The following TSPAN14 variants were observed in gnomAD, a reference collection of about 807,000 sequenced individuals.
The protein encoded by TSPAN14 is tetraspanin 14.
In TSPAN14, 16 loss-of-function variants were observed where a neutral mutation model predicts 36.6. That is an observed-to-expected ratio of 0.44 (90% CI 0.30 to 0.66). TSPAN14 has a LOEUF of 0.66. Among genes scored for constraint, TSPAN14 ranks in the 30% least tolerant of loss-of-function variants. The pLI, the probability that TSPAN14 is intolerant of heterozygous loss-of-function variation, is 0.12. For synonymous variants in TSPAN14, 139 were observed against 143.8 expected, an observed-to-expected ratio of 0.97 and a Z score of 0.24; for missense variants, 231 against 355.1, an observed-to-expected ratio of 0.65 and a Z score of 2.81.
At chr10:80,490,499 A>C (rs10749610) in intron 2 of TSPAN14, among the ~76,000 whole-genome samples, 80,584 of 151,930 alleles carry the variant, frequency 0.53, 21,632 homozygotes, top group East Asian at 0.83. Context: ...GAAGCCTTTA[A>C]AGTAGAAAGG....
At chr10:80,507,748 C>T (rs1160196438) in intron 4 of TSPAN14, among the ~76,000 whole-genome samples, 2 of 152,246 alleles carry the variant, frequency 1.3e-5, no homozygotes, top group Non-Finnish European at 2.9e-5. Context: ...AATCATTTCC[C>T]TCCTCCAAGG....
intron 1 of TSPAN14, among the ~76,000 whole-genome samples, chr10:80,481,407 A>C (rs1847267866): frequency 6.6e-6 from 1 of 152,260 alleles, no homozygotes; most frequent in Non-Finnish European, 1.5e-5. Flanking sequence ...TAGAAAATTA[A>C]GCAAACAAAA....
At chr10:80,457,915 T>C (rs946046445) in intron 1 of TSPAN14, among the ~76,000 whole-genome samples, 11 of 152,194 alleles carry the variant, frequency 7.2e-5, no homozygotes, top group African/African-American at 1.2e-4. Context: ...GGGGGACCCA[T>C]AGTGATTAGT....
In TSPAN14 at chr10:80,509,289, C is replaced by T. The variant is rs756558972; in HGVS notation, c.280-12C>T. On this transcript the variant is annotated splice_polypyrimidine_tract_variant and intron_variant, in intron 4 of 8. Coordinates refer to ENST00000429989, the Ensembl canonical transcript of TSPAN14. This position sits in a 1 kb window ranked among gnomAD's most constrained non-coding sequence, Gnocchi z 4.7. The stretch of plus-strand genomic sequence containing the variant: ...GGGTGGTGACTTCTGCTCCCGTCCC[C>T]TTCCCCTGCAGTTCTGTGGCACCAT... 17 of 1,612,038 alleles carry T rather than the reference C, an allele frequency of 1.1e-5. No individual in the cohort carries two copies. Among genetic ancestry groups the T allele is most frequent in the Non-Finnish European group, 1.3e-5 (15 of 1,179,186 alleles).
intron 1 of TSPAN14, among the ~76,000 whole-genome samples, chr10:80,474,658 G>A (rs1337704575): frequency 6.6e-6 from 1 of 152,082 alleles, no homozygotes; most frequent in African/African-American, 2.4e-5. Context: ...AGGGTTGTGA[G>A]GCATGTGATT....
intron 2 of TSPAN14, among the ~76,000 whole-genome samples, chr10:80,497,751 C>G (rs987085793): frequency 1.4e-4 from 22 of 152,352 alleles, no homozygotes; most frequent in African/African-American, 4.8e-4. Context: ...ACTCTGTTAT[C>G]TGGCAACACA....
chr10:80,477,338 G>C (rs1229067695), intron 1 of TSPAN14, among the ~76,000 whole-genome samples: 1 of 152,164 alleles, frequency 6.6e-6, no homozygotes, highest in Non-Finnish European at 1.5e-5. Flanking sequence ...TAAATAAAAA[G>C]GTGGCAATTA....
Position 80,509,538 on chromosome 10 carries a change from A to C in TSPAN14, c.450+67A>C. ...CCCTGTGCTGCCTGGAGCTGAGTCT[A>C]GCAGGGGCATCAGGCCTTCTCTGTG... On this transcript the variant is annotated intron_variant, in intron 5 of 8. Transcript: ENST00000429989. This position sits in a 1 kb window ranked among gnomAD's most constrained non-coding sequence, Gnocchi z 4.7. 6.5e-7 allele frequency: 1 copy of C among 1,545,482 alleles called. No individual in the cohort carries two copies. Among genetic ancestry groups the C allele is most frequent in the East Asian group, 2.3e-5 (1 of 44,270 alleles).
chr10:80,489,264 G>A, exon 2 of TSPAN14: 1 of 1,585,804 alleles, frequency 6.3e-7, no homozygotes, highest in Non-Finnish European at 8.6e-7. Context: ...TAACGCCAAG[G>A]TCAGCTGCTG....
intron 2 of TSPAN14, among the ~76,000 whole-genome samples, chr10:80,494,424 GCCTCT>G (rs939366207): frequency 6.6e-6 from 1 of 152,210 alleles, no homozygotes; most frequent in Admixed American, 6.5e-5. Flanking sequence ...TGTACCCCAG[GCCTCT>G]CCTGTGCAAA....
At chr10:80,457,617 T>A (rs142690060) in intron 1 of TSPAN14, among the ~76,000 whole-genome samples, 69 of 152,374 alleles carry the variant, frequency 4.5e-4, no homozygotes, top group African/African-American at 1.6e-3. Context: ...CTTGTATCCC[T>A]GCCTCTGAAC....
At chr10:80,500,770 C>T (rs1028129076) in intron 2 of TSPAN14, among the ~76,000 whole-genome samples, 5 of 152,130 alleles carry the variant, frequency 3.3e-5, no homozygotes, top group East Asian at 1.9e-4. Context: ...GAACAGCAAG[C>T]GAGGGAGGGT....
At chr10:80,471,168 T>C (rs924720552) in intron 1 of TSPAN14, among the ~76,000 whole-genome samples, 2 of 152,060 alleles carry the variant, frequency 1.3e-5, no homozygotes, top group African/African-American at 4.8e-5. Context: ...GGTCCCACTC[T>C]GAGTTGGTGT....
At chr10:80,485,641 C>T (rs1847545976) in intron 1 of TSPAN14, 11 of 985,434 alleles carry the variant, frequency 1.1e-5, no homozygotes, top group Non-Finnish European at 1.3e-5. Flanking sequence ...GCCAGCCCCA[C>T]AGAGGGTCAG....
chr10:80,476,749 T>C (rs1466252248), intron 1 of TSPAN14, among the ~76,000 whole-genome samples: 2 of 152,162 alleles, frequency 1.3e-5, no homozygotes, highest in East Asian at 3.8e-4. Context: ...TTTTTTTTTA[T>C]ATTTTTCAAA....
intron 1 of TSPAN14, among the ~76,000 whole-genome samples, chr10:80,481,970 G>A (rs1196628367): frequency 1.3e-5 from 2 of 152,058 alleles, no homozygotes; most frequent in Non-Finnish European, 2.9e-5. Flanking sequence ...AGCCAGGATG[G>A]TCTCGATCTC....
chr10:80,502,291 G>C (rs1027261920), intron 2 of TSPAN14, among the ~76,000 whole-genome samples: 1 of 152,200 alleles, frequency 6.6e-6, no homozygotes, highest in African/African-American at 2.4e-5. Context: ...AGAGGCCCTT[G>C]GGGGCCATGG....
At chr10:80,461,402 T>A (rs971396758) in intron 1 of TSPAN14, among the ~76,000 whole-genome samples, 21 of 152,194 alleles carry the variant, frequency 1.4e-4, no homozygotes, top group Non-Finnish European at 1.9e-4. Flanking sequence ...TCTGCAGCCA[T>A]CCTGCCTACC....
At chr10:80,502,810 T>C (rs1848597019) in intron 2 of TSPAN14, among the ~76,000 whole-genome samples, 1 of 151,956 alleles carries the variant, frequency 6.6e-6, no homozygotes. Flanking sequence ...CAGCAATGTT[T>C]AGATGGTATT....
Sources: allele counts gnomAD v4.1 joint callset (sites outside exome capture counted in the v4.1 genomes callset), GRCh38; gene constraint gnomAD v4.1.1; non-coding constraint Gnocchi (gnomAD v3.1); transcripts MANE v1.5; gene names NCBI Gene and HGNC (gene_info 2026-07-23, HGNC 2026-07-21).